The following HPSE2 variants were observed in gnomAD, a reference collection of about 807,000 sequenced individuals.
HPSE2 encodes heparanase 2 (inactive), also known as inactive heparanase-2.
HPSE2 carries 38 observed loss-of-function variants against 60.5 expected under a neutral mutation model. The ratio of observed to expected loss-of-function variants is 0.63; its 90% CI spans 0.48 to 0.82. The LOEUF (loss-of-function observed/expected upper bound fraction) is 0.82. Ranked by LOEUF, HPSE2 falls within the 40% of genes least tolerant of loss-of-function variation. HPSE2 has a pLI of 0.00. For synonymous variants in HPSE2, 295 were observed against 293.2 expected (o/e 1.01, Z -0.06); for missense variants, 713 against 740.4 (o/e 0.96, Z 0.43).
intron 3 of HPSE2, among the ~76,000 whole-genome samples, chr10:99,137,711 C>A (rs1845713248): frequency 6.6e-6 from 1 of 152,144 alleles, no homozygotes; most frequent in Non-Finnish European, 1.5e-5. Flanking sequence ...AAACTGGACC[C>A]CTTACTTACA....
the HPSE2 span, among the ~76,000 whole-genome samples, chr10:99,273,664 G>A: frequency 6.6e-6 from 1 of 152,164 alleles, no homozygotes; most frequent in South Asian, 2.1e-4. Flanking sequence ...CTTCTCTCCT[G>A]GAATTGCTTG....
At chr10:98,519,794 A>C (rs923214092) in intron 9 of HPSE2, among the ~76,000 whole-genome samples, 2 of 152,214 alleles carry the variant, frequency 1.3e-5, no homozygotes, top group Admixed American at 1.3e-4. Context: ...TGGTGGGCTT[A>C]GGGGATTCAG....
At chr10:98,717,881 A>G (rs1948831000) in intron 5 of HPSE2, among the ~76,000 whole-genome samples, 1 of 152,096 alleles carries the variant, frequency 6.6e-6, no homozygotes, top group Non-Finnish European at 1.5e-5. Flanking sequence ...GCCTGTACTC[A>G]TTTTTAAAAA....
chr10:98,983,631 TG>T (rs1311106931), intron 3 of HPSE2, among the ~76,000 whole-genome samples: 15 of 152,226 alleles, frequency 9.9e-5, no homozygotes, highest in Admixed American at 9.8e-4. Context: ...CTTCCCAGGT[TG>T]GGGGTCTTTT....
intron 11 of HPSE2, among the ~76,000 whole-genome samples, chr10:98,481,244 C>T (rs888378614): frequency 6.6e-6 from 1 of 152,174 alleles, no homozygotes; most frequent in Non-Finnish European, 1.5e-5. Context: ...TCATGATCCT[C>T]AGAAAATCAC....
chr10:98,922,776 A>C (rs1340853374), intron 3 of HPSE2, among the ~76,000 whole-genome samples: 4 of 152,152 alleles, frequency 2.6e-5, no homozygotes, highest in African/African-American at 9.7e-5. Flanking sequence ...AAACTAAAAA[A>C]ACTCCACATG....
intron 6 of HPSE2, among the ~76,000 whole-genome samples, chr10:98,676,176 G>C (rs2134124403): frequency 6.6e-6 from 1 of 152,280 alleles, no homozygotes; most frequent in East Asian, 1.9e-4. Context: ...CGATGTGCTT[G>C]GGAAGCGTTA....
At chr10:99,008,514 T>G (rs1420501167) in intron 3 of HPSE2, among the ~76,000 whole-genome samples, 3 of 152,192 alleles carry the variant, frequency 2.0e-5, no homozygotes, top group African/African-American at 4.8e-5. Flanking sequence ...ACAGGTAAAC[T>G]CCAAGGCTCT....
At chr10:99,206,416 C>T (rs1848747018) in intron 2 of HPSE2, among the ~76,000 whole-genome samples, 2 of 152,004 alleles carry the variant, frequency 1.3e-5, no homozygotes. Flanking sequence ...GCCTGGGCAA[C>T]ATGGTGAAAC....
chr10:98,723,259 A>G (rs1001202864), intron 4 of HPSE2, among the ~76,000 whole-genome samples: 2 of 152,134 alleles, frequency 1.3e-5, no homozygotes, highest in African/African-American at 4.8e-5. Flanking sequence ...TATATGCTGG[A>G]TTACATTTAC....
At chr10:98,844,287 A>G (rs965535952) in intron 3 of HPSE2, among the ~76,000 whole-genome samples, 3 of 152,254 alleles carry the variant, frequency 2.0e-5, no homozygotes, top group African/African-American at 7.2e-5. Flanking sequence ...TAAAGCTTCC[A>G]GAAAGAACAA....
chr10:98,779,192 A>G (rs1316261434), intron 3 of HPSE2, among the ~76,000 whole-genome samples: 4 of 152,154 alleles, frequency 2.6e-5, no homozygotes, highest in Admixed American at 2.6e-4. Context: ...TTAGTGTCTC[A>G]TTTTCCATCA....
At chr10:98,740,350 G>C (rs1210016965) in intron 4 of HPSE2, among the ~76,000 whole-genome samples, 2 of 151,752 alleles carry the variant, frequency 1.3e-5, no homozygotes, top group East Asian at 1.9e-4. Flanking sequence ...TAATTTTCTA[G>C]TTTTTTGTAG....
At chr10:98,746,361 A>G (rs1232460194) in intron 3 of HPSE2, among the ~76,000 whole-genome samples, 1 of 152,032 alleles carries the variant, frequency 6.6e-6, no homozygotes, top group Non-Finnish European at 1.5e-5. Flanking sequence ...ATAAAATTGT[A>G]TCATAGGCTA....
chr10:98,920,767 TTATTTTCAACTAAG>T (rs1232217267), intron 3 of HPSE2, among the ~76,000 whole-genome samples: 2 of 152,234 alleles, frequency 1.3e-5, no homozygotes, highest in South Asian at 4.1e-4. Flanking sequence ...CATAAGAATT[TTATTTTCAACTAAG>T]TGAATTCTCA....
chr10:98,724,522 T>C (rs1949017454), intron 4 of HPSE2, among the ~76,000 whole-genome samples: 2 of 152,188 alleles, frequency 1.3e-5, no homozygotes, highest in Admixed American at 1.3e-4. Flanking sequence ...GATATCCTTG[T>C]TAACTTTCTG....
chr10:98,725,044 G>A (rs968983315), intron 4 of HPSE2, among the ~76,000 whole-genome samples: 4 of 152,118 alleles, frequency 2.6e-5, no homozygotes, highest in African/African-American at 9.7e-5. Flanking sequence ...AATGAATATC[G>A]TGAAAATGGC....
chr10:99,124,064 CTCCTA>C (rs1845069246), intron 3 of HPSE2, among the ~76,000 whole-genome samples: 1 of 152,162 alleles, frequency 6.6e-6, no homozygotes, highest in Non-Finnish European at 1.5e-5. Flanking sequence ...GAGTGGGTAG[CTCCTA>C]TCCAATTTCA....
chr10:98,962,977 G>C (rs572971580), intron 3 of HPSE2, among the ~76,000 whole-genome samples: 1 of 152,142 alleles, frequency 6.6e-6, no homozygotes, highest in Non-Finnish European at 1.5e-5. Flanking sequence ...GATCTGTCTT[G>C]TGTTCTACAG....
Sources: allele counts gnomAD v4.1 joint callset (sites outside exome capture counted in the v4.1 genomes callset), GRCh38; gene constraint gnomAD v4.1.1; transcripts MANE v1.5; gene names NCBI Gene and HGNC (gene_info 2026-07-23, HGNC 2026-07-21).